COG5: variants seen among roughly 807,000 people sequenced by gnomAD.
COG5 encodes the protein component of oligomeric golgi complex 5.
A neutral mutation model predicts 110.4 loss-of-function variants in COG5; 86 were observed. That is an observed-to-expected ratio of 0.78 (90% confidence interval 0.65 to 0.93). COG5 has a LOEUF of 0.93. Ranked by LOEUF, COG5 falls within the 40% of genes least tolerant of loss-of-function variation. The pLI is 0.00. For synonymous variants in COG5, 360 were observed against 334.6 expected (o/e 1.08, Z -0.83); for missense variants, 1,077 against 987.0 (o/e 1.09, Z -1.22).
At chr7:107,523,417 C>T (rs1800474605) in intron 6 of COG5, among the ~76,000 whole-genome samples, 1 of 151,838 alleles carries the variant, frequency 6.6e-6, no homozygotes, top group Non-Finnish European at 1.5e-5. Flanking sequence ...AAACTCAAAA[C>T]AAGATACCAC....
In COG5 at chr7:107,251,727, G is replaced by A. The variant is rs943131677; in HGVS notation, c.1750-3228C>T. On this transcript the variant is annotated intron_variant, in intron 16 of 21. Transcript: ENST00000297135. ...CAGTGCTTAGTGGAAAATTTACAAC[G>A]TTAAATGTTTATTTGTGGGGAAAAT... 3.3e-5 allele frequency among the ~76,000 whole-genome samples: 5 copies of A among 152,034 alleles called. No homozygotes were observed. The South Asian group carries it at 6.2e-4, about 19-fold the overall frequency.
chr7:107,419,933 A>G (rs1292939460), intron 6 of COG5, among the ~76,000 whole-genome samples: 2 of 152,224 alleles, frequency 1.3e-5, no homozygotes, highest in African/African-American at 4.8e-5. Context: ...ATGTAACAGA[A>G]TAACCATAAG....
chr7:107,364,590 T>C (rs1054351568), intron 8 of COG5, among the ~76,000 whole-genome samples: 8 of 152,180 alleles, frequency 5.3e-5, no homozygotes, highest in Admixed American at 1.3e-4. Context: ...TTGAAAGGCA[T>C]ACATTTCACT....
At chr7:107,542,898 G>C (rs993353087) in intron 5 of COG5, among the ~76,000 whole-genome samples, 10 of 151,828 alleles carry the variant, frequency 6.6e-5, no homozygotes, top group African/African-American at 2.4e-4. Context: ...CTTGAACCTG[G>C]GAGGCGGAGG....
rs537206759 is a variant in COG5, at chr7:107,349,809, T to C, written c.1026+12224A>G. ...TCCTGACCTGGTGATCTGCCCGCCT[T>C]AGCCTCCCAAAGTGCTGGGATTACA... is the stretch of plus-strand genomic sequence containing the variant. On this transcript the variant is annotated intron_variant, in intron 10 of 21. Transcript: ENST00000297135. Among the ~76,000 whole-genome samples the C allele has an allele frequency of 5.9e-5, 9 of 152,220 alleles. No individual in the cohort carries two copies. The South Asian group carries it at 1.9e-3, about 32-fold the overall frequency.
intron 6 of COG5, among the ~76,000 whole-genome samples, chr7:107,503,322 T>C (rs1011677734): frequency 6.6e-6 from 1 of 152,192 alleles, no homozygotes; most frequent in Non-Finnish European, 1.5e-5. Flanking sequence ...TTTGGCTTTA[T>C]TTCTGAGTTC....
At chr7:107,541,523 A>AAAAAAATATATATAT (rs60423657) in intron 5 of COG5, among the ~76,000 whole-genome samples, 10 of 57,014 alleles carry the variant, frequency 1.8e-4, no homozygotes, top group African/African-American at 6.7e-4. Context: ...AAAAAAAAAA[A>AAAAAAATATATATAT]ATATATATAT....
rs1207056206 is a variant in COG5 at position 107,236,372 on chromosome 7, A to T, written c.2091+78T>A. 1.0e-5 allele frequency: 11 copies of T among 1,084,900 alleles called. No homozygotes were observed. The Admixed American group carries it at 1.7e-4, about 17-fold the overall frequency. The allele number at this position is 1,084,900 out of a possible 1,614,324, so 67.2% of individuals were successfully genotyped here. The stretch of plus-strand genomic sequence containing the variant: ...GTGCTGCAACTCTTTAAAAACACCG[A>T]TGAAAACACATTCTTTCATTTAATA... On this transcript the variant is annotated intron_variant, in intron 18 of 21. Coordinates refer to ENST00000297135, the MANE Select transcript of COG5 (RefSeq NM_006348.5).
At chr7:107,441,658 C>T (rs886593458) in intron 6 of COG5, among the ~76,000 whole-genome samples, 4 of 152,192 alleles carry the variant, frequency 2.6e-5, no homozygotes, top group African/African-American at 9.7e-5. Context: ...GCCAGCTCCA[C>T]ATAACATATT....
In COG5 at chr7:107,256,728, T is replaced by C; in HGVS notation, c.1749+4A>G. 1 of 1,602,460 alleles carries C rather than the reference T, an allele frequency of 6.2e-7. No individual in the cohort carries two copies. Among genetic ancestry groups the C allele is most frequent in the Non-Finnish European group, 8.5e-7 (1 of 1,170,654 alleles). On this transcript the variant is annotated splice_donor_region_variant and intron_variant, in intron 16 of 21. Coordinates refer to ENST00000297135, the MANE Select transcript of COG5 (RefSeq NM_006348.5). ...CTATAGAGTCAAAGATTAAATTCTTTTACCTTTAGAGCTGAAATTATAGTT... is the reference window on the plus strand; with the variant it reads ...CTATAGAGTCAAAGATTAAATTCTTCTACCTTTAGAGCTGAAATTATAGTT...
At chr7:107,284,253 C>T (rs937051111) in intron 12 of COG5, among the ~76,000 whole-genome samples, 1 of 152,154 alleles carries the variant, frequency 6.6e-6, no homozygotes, top group Non-Finnish European at 1.5e-5. Context: ...CTACGTAAGT[C>T]CCCACTATAA....
chr7:107,264,952 G>GA (rs966480450), intron 14 of COG5, among the ~76,000 whole-genome samples: 33 of 148,396 alleles, frequency 2.2e-4, no homozygotes, highest in South Asian at 1.7e-3. Context: ...AAAAAGACTG[G>GA]AAAAAAAAAG....
chr7:107,453,681 T>C (rs1795489946), intron 6 of COG5, among the ~76,000 whole-genome samples: 1 of 152,168 alleles, frequency 6.6e-6, no homozygotes. Context: ...AATATCTTCA[T>C]TACATCACAT....
At chr7:107,449,624 T>C (rs551044379) in intron 6 of COG5, among the ~76,000 whole-genome samples, 1 of 152,282 alleles carries the variant, frequency 6.6e-6, no homozygotes, top group South Asian at 2.1e-4. Context: ...TGAAGTGCCC[T>C]TAGTGATGTT....
chr7:107,511,918 G>C (rs1346001647), intron 6 of COG5, among the ~76,000 whole-genome samples: 5 of 152,186 alleles, frequency 3.3e-5, no homozygotes, highest in Non-Finnish European at 5.9e-5. Flanking sequence ...AGCTATCTAT[G>C]ACACATCCAC....
At chr7:107,380,026 G>T (rs1181978154) in intron 7 of COG5, among the ~76,000 whole-genome samples, 1 of 152,222 alleles carries the variant, frequency 6.6e-6, no homozygotes, top group African/African-American at 2.4e-5. Flanking sequence ...ATAATTGGAA[G>T]TAAAACACTG....
intron 6 of COG5, among the ~76,000 whole-genome samples, chr7:107,522,200 G>A (rs1800376216): frequency 6.6e-6 from 1 of 152,212 alleles, no homozygotes; most frequent in Non-Finnish European, 1.5e-5. Context: ...CAGGCGCAGT[G>A]GCTCACGCCT....
intron 8 of COG5, among the ~76,000 whole-genome samples, chr7:107,370,315 T>A (rs547435030): frequency 6.6e-6 from 1 of 152,200 alleles, no homozygotes; most frequent in East Asian, 1.9e-4. Flanking sequence ...ATAAAAAAAT[T>A]GTAAGTATTG....
chr7:107,305,481 T>C (rs76888321), intron 11 of COG5, among the ~76,000 whole-genome samples: 27,328 of 152,180 alleles, frequency 0.18, 2,665 homozygotes, highest in Non-Finnish European at 0.22. Flanking sequence ...TTATCTATTG[T>C]CATGTAACAA....
Sources: allele counts gnomAD v4.1 joint callset (sites outside exome capture counted in the v4.1 genomes callset), GRCh38; gene constraint gnomAD v4.1.1; transcripts MANE v1.5; gene names NCBI Gene and HGNC (gene_info 2026-07-23, HGNC 2026-07-21).